The following PIWIL2 variants were observed in gnomAD, a reference collection of about 807,000 sequenced individuals.
PIWIL2 encodes piwi like RNA-mediated gene silencing 2.
A neutral mutation model predicts 116.5 loss-of-function variants in PIWIL2; 81 were observed. The ratio of observed to expected loss-of-function variants is 0.70; its 90% CI spans 0.58 to 0.84. The LOEUF is 0.84. Among genes scored for constraint, PIWIL2 ranks in the 40% least tolerant of loss-of-function variants. PIWIL2 has a pLI of 0.00. For missense variants in PIWIL2, 1,272 were observed against 1,212.3 expected, an observed-to-expected ratio of 1.05 and a Z score of -0.73; for synonymous variants, 489 against 429.5, an observed-to-expected ratio of 1.14 and a Z score of -1.71.
chr8:22,283,303 G>A (rs1264275088), intron 5 of PIWIL2, 63 bp downstream of exon 5: 10 of 1,305,412 alleles, frequency 7.7e-6, no homozygotes, highest in Admixed American at 3.5e-5. Context: ...ATTTTGGCTC[G>A]TGTGTAGTAT....
At chr8:22,339,460 A>G (rs1254878180) in intron 20 of PIWIL2, among the ~76,000 whole-genome samples, 2 of 151,722 alleles carry the variant, frequency 1.3e-5, no homozygotes, top group Non-Finnish European at 2.9e-5. Flanking sequence ...GTGAGCCGAG[A>G]TCACACCACT....
At chr8:22,323,210 C>T (rs770803674) in intron 20 of PIWIL2, among the ~76,000 whole-genome samples, 338 of 137,744 alleles carry the variant, frequency 2.5e-3, no homozygotes, top group Non-Finnish European at 4.1e-3. Context: ...TGCAGTGGCA[C>T]ATTCTCGGCT....
intron 20 of PIWIL2, among the ~76,000 whole-genome samples, chr8:22,333,394 C>T (rs1384554857): frequency 6.6e-6 from 1 of 151,968 alleles, no homozygotes; most frequent in Non-Finnish European, 1.5e-5. Flanking sequence ...GGCGGATCAC[C>T]TGAGGTCAGG....
intron 20 of PIWIL2, among the ~76,000 whole-genome samples, chr8:22,351,539 T>G (rs548410683): frequency 2.8e-5 from 4 of 143,788 alleles, no homozygotes; most frequent in African/African-American, 1.0e-4. Flanking sequence ...TTTTTTTGTT[T>G]TTTTGTTTTT....
intron 2 of PIWIL2, among the ~76,000 whole-genome samples, chr8:22,280,400 A>G (rs1007875502): frequency 3.3e-5 from 5 of 152,218 alleles, no homozygotes; most frequent in African/African-American, 1.2e-4. Context: ...TTATAAAGTA[A>G]TTTTAAGAAT....
intron 20 of PIWIL2, among the ~76,000 whole-genome samples, chr8:22,319,530 G>T (rs1016828199): frequency 1.3e-5 from 2 of 152,106 alleles, no homozygotes; most frequent in African/African-American, 4.8e-5. Context: ...CCTTATTTAT[G>T]CATCCCACTG....
intron 20 of PIWIL2, among the ~76,000 whole-genome samples, chr8:22,331,428 G>A (rs1318515671): frequency 2.0e-5 from 3 of 151,562 alleles, no homozygotes; most frequent in African/African-American, 7.3e-5. Context: ...GTTGCAGTGA[G>A]CCATGATCGC....
At chr8:22,283,575 A>AT (rs1366944718) in intron 5 of PIWIL2, among the ~76,000 whole-genome samples, 1 of 151,842 alleles carries the variant, frequency 6.6e-6, no homozygotes, top group Non-Finnish European at 1.5e-5. Context: ...CCCCCACCTA[A>AT]TTTTTTTGTA....
chr8:22,284,025 T>C (rs1215912361), intron 5 of PIWIL2, 137 bp from the exon 6 acceptor site: 1 of 534,742 alleles, frequency 1.9e-6, no homozygotes, highest in African/African-American at 1.9e-5. Context: ...GTGTTGCCTC[T>C]TGATATGTGT....
chr8:22,307,827 G>C, intron 13 of PIWIL2, 106 bp from the exon 14 acceptor site: 1 of 786,138 alleles, frequency 1.3e-6, no homozygotes, highest in Non-Finnish European at 2.0e-6. Flanking sequence ...GAAAATTTCT[G>C]CTGATTTCAA....
In PIWIL2 at chr8:22,352,850, A is replaced by G. The variant is rs1469190123; in HGVS notation, c.2404-109A>G. The G allele has an allele frequency of 2.6e-6, 3 of 1,139,602 alleles. No homozygotes were observed. The East Asian group carries it at 7.2e-5, about 27-fold the overall frequency. 70.6% of individuals were successfully genotyped at this position (1,139,602 alleles called of 1,614,324 possible). A position where few individuals can be genotyped will look rare whatever the true frequency, so the allele number is the denominator to read the frequency against. ...GCACAGTAGCTTTGGCACTAACTGC[A>G]AAAGGATCTGCCATGATTCCAGGCT... On this transcript the variant is annotated intron_variant, in intron 20 of 22. Coordinates refer to ENST00000356766, the MANE Select transcript of PIWIL2 (RefSeq NM_018068.5).
At chr8:22,282,231 C>T (rs560701500) in intron 4 of PIWIL2, among the ~76,000 whole-genome samples, 4 of 144,792 alleles carry the variant, frequency 2.8e-5, no homozygotes, top group Non-Finnish European at 4.5e-5. Context: ...CAGGTGTGCG[C>T]CACCACACCC....
Position 22,294,899 on chromosome 8 carries a change from G to GAAAAAAA in PIWIL2, c.1181+4553_1181+4554insAAAAAAA, listed in dbSNP as rs375806332. Among the ~76,000 whole-genome samples the GAAAAAAA allele has an allele frequency of 4.3e-4, 34 of 79,408 alleles. 9 individuals carry two copies. Among genetic ancestry groups the GAAAAAAA allele is most frequent in the South Asian group, 1.3e-3 (3 of 2,296 alleles). 52.1% of individuals were successfully genotyped at this position (79,408 alleles called of 152,430 possible). Reference sequence around the variant, plus strand: ...AACATGGTGAAATCCCATCTTTACTGGAAAAAAAAAAAAAAAAAAAAAAAA... The same window carrying GAAAAAAA: ...AACATGGTGAAATCCCATCTTTACTGAAAAAAAGAAAAAAAAAAAAAAAAAAAAAAAA... On this transcript the variant is annotated intron_variant, in intron 10 of 22. Transcript: ENST00000356766.
intron 16 of PIWIL2, among the ~76,000 whole-genome samples, chr8:22,312,868 C>A (rs1037009917): frequency 6.6e-6 from 1 of 152,226 alleles, no homozygotes; most frequent in African/African-American, 2.4e-5. Flanking sequence ...CTCAAACTCC[C>A]AGCCTCAATC....
chr8:22,303,140 G>A (rs938244960), intron 10 of PIWIL2, among the ~76,000 whole-genome samples: 3 of 152,172 alleles, frequency 2.0e-5, no homozygotes, highest in Non-Finnish European at 4.4e-5. Flanking sequence ...GAATATAAAG[G>A]GCAGCAGGAA....
At chr8:22,289,038 T>C (rs1045960427) in intron 8 of PIWIL2, among the ~76,000 whole-genome samples, 1 of 152,254 alleles carries the variant, frequency 6.6e-6, no homozygotes, top group Non-Finnish European at 1.5e-5. Flanking sequence ...CTTGAATTTT[T>C]GGATTACAGA....
At chr8:22,284,781 C>G (rs919327478) in intron 6 of PIWIL2, among the ~76,000 whole-genome samples, 3 of 151,894 alleles carry the variant, frequency 2.0e-5, no homozygotes, top group African/African-American at 7.3e-5. Context: ...AGGAAGATAA[C>G]TGCAGTTTTA....
intron 22 of PIWIL2, 80 bp downstream of exon 22, chr8:22,354,458 C>A (rs1832446099): frequency 1.2e-6 from 1 of 811,584 alleles, no homozygotes; most frequent in Non-Finnish European, 2.1e-6. Flanking sequence ...CTGTTCACCC[C>A]AAAATATATT....
At chr8:22,316,425 ATTACAATATAAAGAT>A in intron 19 of PIWIL2, 92 bp downstream of exon 19, 1 of 795,380 alleles carries the variant, frequency 1.3e-6, no homozygotes, top group Non-Finnish European at 2.1e-6. Flanking sequence ...AGCATTATGT[ATTACAATATAAAGAT>A]TTCTAAACAT....
Sources: gnomAD v4.1 joint callset for allele counts (sites outside exome capture counted in the v4.1 genomes callset) on GRCh38, gnomAD v4.1.1 for gene constraint, MANE v1.5 for transcripts, NCBI Gene and HGNC (gene_info 2026-07-23, HGNC 2026-07-21) for gene names.